The following WDPCP variants were observed in gnomAD, a reference collection of about 807,000 sequenced individuals.
WDPCP encodes the protein WD repeat containing planar cell polarity effector.
Under a neutral mutation model 93.1 loss-of-function variants are expected in WDPCP, and 71 were observed. The ratio of observed to expected loss-of-function variants is 0.76; its 90% CI spans 0.63 to 0.93. The LOEUF (loss-of-function observed/expected upper bound fraction) is 0.93, where lower values mean the gene tolerates loss of function less well. WDPCP is among the 40% of genes least tolerant of loss of function. The pLI is 0.00. For missense variants in WDPCP, 844 were observed against 887.4 expected (o/e 0.95, Z 0.62); for synonymous variants, 315 against 315.0 (o/e 1.00, Z 0.00).
chr2:63,665,215 G>T, intron 2 of WDPCP, among the ~76,000 whole-genome samples: 1 of 152,188 alleles, frequency 6.6e-6, no homozygotes, highest in South Asian at 2.1e-4. Context: ...GGTTCTCAAG[G>T]TTAGAAGTCC....
At chr2:63,622,524 G>C in intron 3 of WDPCP, 1 of 1,613,920 alleles carries the variant, frequency 6.2e-7, no homozygotes, top group East Asian at 2.2e-5. Flanking sequence ...CATCAGCCGG[G>C]CGTGGTTGAT....
At chr2:63,724,792 C>A (rs1184106351) in intron 2 of WDPCP, among the ~76,000 whole-genome samples, 1 of 152,164 alleles carries the variant, frequency 6.6e-6, no homozygotes, top group Non-Finnish European at 1.5e-5. Flanking sequence ...TTAAATAACT[C>A]ATTGAGAGGT....
intron 1 of WDPCP, among the ~76,000 whole-genome samples, chr2:63,509,074 C>G (rs1299516478): frequency 6.6e-6 from 1 of 152,154 alleles, no homozygotes; most frequent in Non-Finnish European, 1.5e-5. Context: ...ACCTCTGGAC[C>G]AAGCGGACCT....
intron 14 of WDPCP, among the ~76,000 whole-genome samples, chr2:63,209,713 T>C (rs920076527): frequency 6.6e-6 from 1 of 152,174 alleles, no homozygotes; most frequent in Admixed American, 6.5e-5. Flanking sequence ...CTTTTTAGAA[T>C]TATCTAGCAG....
At chr2:63,609,698 C>T (rs958998010) in intron 3 of WDPCP, among the ~76,000 whole-genome samples, 5 of 152,030 alleles carry the variant, frequency 3.3e-5, no homozygotes, top group African/African-American at 9.7e-5. Context: ...TGTAGTGAGA[C>T]CCCATCTCTA....
chr2:63,428,185 C>CAAAAA (rs34685763), intron 9 of WDPCP, among the ~76,000 whole-genome samples: 1 of 139,790 alleles, frequency 7.2e-6, no homozygotes, highest in African/African-American at 2.6e-5. Context: ...GAAACTATTC[C>CAAAAA]AAAAAAAAAA....
At chr2:63,781,485 T>C (rs1670390454) in intron 2 of WDPCP, among the ~76,000 whole-genome samples, 3 of 152,330 alleles carry the variant, frequency 2.0e-5, no homozygotes, top group South Asian at 4.1e-4. Flanking sequence ...TGTCATTTCA[T>C]TCATTCATTC....
intron 2 of WDPCP, among the ~76,000 whole-genome samples, chr2:63,723,668 T>TA: frequency 6.8e-6 from 1 of 146,134 alleles, no homozygotes; most frequent in South Asian, 2.2e-4. Context: ...CCCAACAACT[T>TA]AAACTGCTGA....
intron 2 of WDPCP, among the ~76,000 whole-genome samples, chr2:63,737,356 A>T: frequency 6.6e-6 from 1 of 152,206 alleles, no homozygotes; most frequent in East Asian, 1.9e-4. Context: ...TCCTAAGAAG[A>T]TTAGCAAACA....
At chr2:63,755,261 C>G (rs1669948286) in intron 2 of WDPCP, among the ~76,000 whole-genome samples, 1 of 152,198 alleles carries the variant, frequency 6.6e-6, no homozygotes, top group African/African-American at 2.4e-5. Flanking sequence ...AGCCAAGAAT[C>G]ACTGACAGCC....
rs766810747 is a variant in WDPCP at position 63,382,108 on chromosome 2, T to C, written c.1436-14A>G. The C allele has an allele frequency of 2.8e-5, 45 of 1,610,374 alleles. No individual in the cohort carries two copies. In the East Asian group the frequency reaches 9.9e-4, roughly 35 times the overall value. ...GAGTGAAGACGCCTATCACAAAACA[T>C]GGAAAACCAGGTGAATCTTTTAAAA... On this transcript the variant is annotated splice_polypyrimidine_tract_variant and intron_variant, in intron 10 of 17. Transcript: ENST00000272321.
intron 1 of WDPCP, among the ~76,000 whole-genome samples, chr2:63,584,968 A>T (rs1464805777): frequency 6.6e-6 from 1 of 152,200 alleles, no homozygotes; most frequent in Non-Finnish European, 1.5e-5. Context: ...CTAGCAAATT[A>T]TTCCACTCAA....
chr2:63,620,450 C>G (rs981275884), intron 3 of WDPCP, among the ~76,000 whole-genome samples: 1 of 152,218 alleles, frequency 6.6e-6, no homozygotes, highest in Non-Finnish European at 1.5e-5. Context: ...GGCAAAGCCA[C>G]TGTAACCAGA....
chr2:63,193,951 T>G (rs1395983707), intron 14 of WDPCP, among the ~76,000 whole-genome samples: 1 of 152,222 alleles, frequency 6.6e-6, no homozygotes, highest in African/African-American at 2.4e-5. Flanking sequence ...ATTTATTTAA[T>G]GACTTCTACT....
At chr2:63,292,386 C>A (rs1684514601) in intron 13 of WDPCP, among the ~76,000 whole-genome samples, 1 of 151,286 alleles carries the variant, frequency 6.6e-6, no homozygotes, top group African/African-American at 2.4e-5. Context: ...AAAAATCTCA[C>A]AACAGAACAA....
chr2:63,655,261 T>G (rs1710153696), intron 2 of WDPCP, among the ~76,000 whole-genome samples: 1 of 152,216 alleles, frequency 6.6e-6, no homozygotes. Context: ...AATGAGAACT[T>G]GGTGAGCATT....
chr2:63,362,277 T>TGTGTGTG (rs1553362984), intron 12 of WDPCP, among the ~76,000 whole-genome samples: 19 of 94,038 alleles, frequency 2.0e-4, no homozygotes, highest in South Asian at 4.5e-4. Context: ...TTTTTTTTGG[T>TGTGTGTG]TGTGTGTGTG....
At chr2:63,194,349 T>C (rs1374651488) in intron 14 of WDPCP, among the ~76,000 whole-genome samples, 1 of 152,154 alleles carries the variant, frequency 6.6e-6, no homozygotes, top group Non-Finnish European at 1.5e-5. Flanking sequence ...AAAAGGGTGA[T>C]AACAGGCAAC....
upstream of WDPCP, chr2:63,589,124 T>C (rs1005974197): frequency 8.7e-6 from 14 of 1,613,952 alleles, no homozygotes; most frequent in Admixed American, 1.2e-4. Context: ...TTAGGGACTT[T>C]TGGGAGGCAG....
Sources: gnomAD v4.1 joint callset for allele counts (sites outside exome capture counted in the v4.1 genomes callset) on GRCh38, gnomAD v4.1.1 for gene constraint, MANE v1.5 for transcripts, NCBI Gene and HGNC (gene_info 2026-07-23, HGNC 2026-07-21) for gene names.